The following KLHL32 variants were observed in gnomAD, a reference collection of about 807,000 sequenced individuals.
KLHL32 encodes the protein kelch like family member 32.
In KLHL32, 35 loss-of-function variants were observed where a neutral mutation model predicts 64.8. The ratio of observed to expected loss-of-function variants is 0.54; its 90% CI spans 0.41 to 0.72. The LOEUF is 0.72. KLHL32 is among the 30% of genes least tolerant of loss of function. The pLI is 0.00. For missense variants in KLHL32, 589 were observed against 768.5 expected, an observed-to-expected ratio of 0.77 and a Z score of 2.76; for synonymous variants, 259 against 281.0, an observed-to-expected ratio of 0.92 and a Z score of 0.78.
intron 2 of KLHL32, among the ~76,000 whole-genome samples, chr6:96,973,179 T>A (rs1020226468): frequency 1.3e-5 from 2 of 152,230 alleles, no homozygotes; most frequent in South Asian, 4.1e-4. Context: ...CCCAGCTGAA[T>A]GATCCTGTGA....
chr6:97,132,007 G>A (rs1799493233), intron 9 of KLHL32, among the ~76,000 whole-genome samples: 1 of 152,160 alleles, frequency 6.6e-6, no homozygotes. Context: ...AGAATATGTG[G>A]TAGTGAGTTA....
At chr6:96,906,556 G>A in the KLHL32 span, among the ~76,000 whole-genome samples, 1 of 152,168 alleles carries the variant, frequency 6.6e-6, no homozygotes, top group Non-Finnish European at 1.5e-5. Flanking sequence ...TGTTTTAGAA[G>A]AGAAAGACCA....
chr6:96,906,085 G>GCAC, the KLHL32 span, among the ~76,000 whole-genome samples: 2 of 152,182 alleles, frequency 1.3e-5, no homozygotes, highest in Non-Finnish European at 2.9e-5. Flanking sequence ...AAGCATCAGT[G>GCAC]CACACAATCC....
chr6:97,039,107 A>G (rs9487814), intron 3 of KLHL32, among the ~76,000 whole-genome samples: 2 of 149,736 alleles, frequency 1.3e-5, no homozygotes, highest in African/African-American at 2.5e-5. Flanking sequence ...AAAAAAAAAG[A>G]AAAAAAGAAA....
At chr6:97,107,752 A>G (rs1327065663) in intron 6 of KLHL32, among the ~76,000 whole-genome samples, 1 of 152,240 alleles carries the variant, frequency 6.6e-6, no homozygotes, top group Non-Finnish European at 1.5e-5. Context: ...TGAGATAATA[A>G]AATAGAAAAC....
chr6:97,056,184 G>C (rs12192831), intron 4 of KLHL32, among the ~76,000 whole-genome samples: 23,317 of 145,156 alleles, frequency 0.16, 2,058 homozygotes, highest in African/African-American at 0.25. Context: ...CGGCTCACTG[G>C]AAGCTCCGCT....
intron 3 of KLHL32, among the ~76,000 whole-genome samples, chr6:96,992,536 A>G (rs190639973): frequency 2.2e-3 from 339 of 152,284 alleles, no homozygotes; most frequent in Non-Finnish European, 2.5e-3. Context: ...TTTGAATTTC[A>G]TTTTGGGAAA....
intron 3 of KLHL32, among the ~76,000 whole-genome samples, chr6:97,011,983 A>T (rs1485296302): frequency 1.3e-5 from 2 of 151,172 alleles, no homozygotes; most frequent in Non-Finnish European, 2.9e-5. Context: ...TTTACAGATG[A>T]TGAATTAAAG....
chr6:97,117,257 C>G (rs1168623189), intron 7 of KLHL32, among the ~76,000 whole-genome samples: 1 of 152,168 alleles, frequency 6.6e-6, no homozygotes, highest in East Asian at 1.9e-4. Flanking sequence ...ATTCCTTATC[C>G]TTTACCAAGT....
intron 6 of KLHL32, among the ~76,000 whole-genome samples, chr6:97,094,649 G>T (rs1052497573): frequency 1.3e-5 from 2 of 152,158 alleles, no homozygotes; most frequent in African/African-American, 4.8e-5. Flanking sequence ...GGTAGAGAAA[G>T]CATAACCAGG....
At chr6:96,990,107 C>T (rs562804656) in intron 3 of KLHL32, among the ~76,000 whole-genome samples, 1 of 152,280 alleles carries the variant, frequency 6.6e-6, no homozygotes, top group East Asian at 1.9e-4. Context: ...CCATTTCAGC[C>T]TGGTTAAGAA....
chr6:96,985,302 T>A (rs140383875), intron 3 of KLHL32, among the ~76,000 whole-genome samples: 1,685 of 152,192 alleles, frequency 0.011, 40 homozygotes, highest in African/African-American at 0.039. Flanking sequence ...GCTGCCCTTA[T>A]CATTTTTTCC....
chr6:96,904,355 A>AG, the KLHL32 span, among the ~76,000 whole-genome samples: 2 of 150,600 alleles, frequency 1.3e-5, no homozygotes, highest in Admixed American at 6.6e-5. Context: ...AAAAAAAAAA[A>AG]AAAAGAAAAG....
intron 1 of KLHL32, among the ~76,000 whole-genome samples, chr6:96,950,991 G>A (rs761128): frequency 0.18 from 27,813 of 152,020 alleles, 2,823 homozygotes; most frequent in Non-Finnish European, 0.23. Flanking sequence ...AAATTACTCA[G>A]TTTGAACAAA....
At chr6:97,017,283 T>C (rs1183490100) in intron 3 of KLHL32, among the ~76,000 whole-genome samples, 1 of 152,234 alleles carries the variant, frequency 6.6e-6, no homozygotes, top group East Asian at 1.9e-4. Flanking sequence ...ATCTAAAAGA[T>C]TTGACTTGAA....
intron 1 of KLHL32, among the ~76,000 whole-genome samples, chr6:96,942,911 T>G (rs76665843): frequency 6.6e-6 from 1 of 152,106 alleles, no homozygotes; most frequent in Non-Finnish European, 1.5e-5. Context: ...AGCAACCTGT[T>G]CACCTCTCTC....
At chr6:97,000,007 C>T (rs1778844287) in intron 3 of KLHL32, among the ~76,000 whole-genome samples, 1 of 152,042 alleles carries the variant, frequency 6.6e-6, no homozygotes. Flanking sequence ...TGTCTGTGAT[C>T]AGAACCTAAA....
chr6:96,907,282 T>C, the KLHL32 span, among the ~76,000 whole-genome samples: 16 of 152,348 alleles, frequency 1.1e-4, no homozygotes, highest in South Asian at 2.7e-3. Flanking sequence ...AAATCTAATT[T>C]CTTCTATATA....
intron 1 of KLHL32, among the ~76,000 whole-genome samples, chr6:96,927,512 C>T (rs1325185374): frequency 1.3e-5 from 2 of 152,146 alleles, no homozygotes; most frequent in African/African-American, 4.8e-5. Flanking sequence ...TCTCGTGTTT[C>T]TCCTAGAGCT....
Sources: gnomAD v4.1 joint callset for allele counts (sites outside exome capture counted in the v4.1 genomes callset) on GRCh38, gnomAD v4.1.1 for gene constraint, MANE v1.5 for transcripts, NCBI Gene and HGNC (gene_info 2026-07-23, HGNC 2026-07-21) for gene names.